Variants in MAK16 observed in about 807,000 individuals in gnomAD.
MAK16 encodes MAK16 homolog, also known as protein MAK16 homolog.
Under a neutral mutation model 49.9 loss-of-function variants are expected in MAK16, and 12 were observed. The observed-to-expected ratio is 0.24, with a 90% CI of 0.15 to 0.39. MAK16 has a LOEUF of 0.39. MAK16 is among the 10% of genes least tolerant of loss of function. MAK16 has a pLI of 1.00. For synonymous variants in MAK16, 115 were observed against 126.4 expected, an observed-to-expected ratio of 0.91 and a Z score of 0.60; for missense variants, 292 against 363.7, an observed-to-expected ratio of 0.80 and a Z score of 1.60.
chr8:33,494,433 C>T (rs1808824485), intron 6 of MAK16, among the ~76,000 whole-genome samples: 1 of 152,202 alleles, frequency 6.6e-6, no homozygotes, highest in African/African-American at 2.4e-5. Context: ...TTTATAACTA[C>T]TCTCTATCTT....
At position 33,499,668 on chromosome 8, in the gene MAK16, AT is replaced by A; in HGVS notation, c.*1048del. On this transcript the variant is annotated 3_prime_UTR_variant, in exon 10 of 10. Transcript: ENST00000360128. ...ATCTCTACATATTTTTAGGATATGA[AT>A]TTTTTTTTCCTGCTGGGTAGATTGT... 14 of 179,060 alleles carry A rather than the reference AT, an allele frequency of 7.8e-5. No individual in the cohort carries two copies. Among genetic ancestry groups the A allele is most frequent in the East Asian group, 3.2e-4 (2 of 6,298 alleles). 11.1% of individuals were successfully genotyped at this position (179,060 alleles called of 1,614,324 possible). A position where few individuals can be genotyped will look rare whatever the true frequency, so the allele number is the denominator to read the frequency against.
Position 33,492,621 on chromosome 8 carries a change from A to T in MAK16, c.447+2282A>T, listed in dbSNP as rs1159105775. On this transcript the variant is annotated intron_variant, in intron 6 of 9. Coordinates refer to ENST00000360128, the MANE Select transcript of MAK16 (RefSeq NM_032509.4). ...TTTCATTCTTCTGCATATGGAGATC[A>T]AGTTTTTCCAGCACCATTTATTGAA... 2.0e-5 allele frequency among the ~76,000 whole-genome samples: 3 copies of T among 152,156 alleles called. No homozygotes were observed. In the South Asian group the frequency reaches 6.2e-4, roughly 32 times the overall value.
At chr8:33,491,016 A>G (rs6468170) in intron 6 of MAK16, among the ~76,000 whole-genome samples, 11,068 of 152,240 alleles carry the variant, frequency 0.073, 805 homozygotes, top group African/African-American at 0.19. Flanking sequence ...GATCCCACAA[A>G]TAAGTGAAAA....
chr8:33,487,398 T>C (rs114059460), intron 1 of MAK16, among the ~76,000 whole-genome samples: 1,767 of 151,482 alleles, frequency 0.012, 40 homozygotes, highest in African/African-American at 0.04. Context: ...AATTATGGTA[T>C]GTATATCTAA....
At chr8:33,488,483 C>T (rs772627625) in intron 2 of MAK16, 37 bp from the exon 3 acceptor site, 1 of 1,612,634 alleles carries the variant, frequency 6.2e-7, no homozygotes, top group South Asian at 1.1e-5. Flanking sequence ...CTTTGGCAAC[C>T]CATTTTATAA....
Position 33,498,781 on chromosome 8 carries a change from G to C in MAK16, c.*152G>C. The C allele has an allele frequency of 1.4e-6, 1 of 702,182 alleles. No individual in the cohort carries two copies. The highest frequency in any genetic ancestry group is 2.4e-6 in the Non-Finnish European group (1 of 425,512). The allele number at this position is 702,182 out of a possible 1,614,324, so 43.5% of individuals were successfully genotyped here. A position where few individuals can be genotyped will look rare whatever the true frequency, so the allele number is the denominator to read the frequency against. On this transcript the variant is annotated 3_prime_UTR_variant, in exon 10 of 10. Transcript: ENST00000360128. The stretch of plus-strand genomic sequence containing the variant: ...TTTATTATTTATGCCACGTCAGTGG[G>C]GCAAGAAATCTGGAGTGAGTGAAGA...
Position 33,499,495 on chromosome 8 carries a change from A to C in MAK16, c.*866A>C. 2.1e-6 allele frequency: 1 copy of C among 465,266 alleles called. No individual in the cohort carries two copies. Among genetic ancestry groups the C allele is most frequent in the Non-Finnish European group, 3.9e-6 (1 of 259,678 alleles). The allele number at this position is 465,266 out of a possible 1,614,324, so 28.8% of individuals were successfully genotyped here. ...AAGGTGCTACTTTAAAAACTGTGTT[A>C]ATGTACTTGCAAATCTCCTGCTGGC... On this transcript the variant is annotated 3_prime_UTR_variant, in exon 10 of 10. Coordinates refer to ENST00000360128, the MANE Select transcript of MAK16 (RefSeq NM_032509.4).
chr8:33,492,326 A>G (rs1808791489), intron 6 of MAK16, among the ~76,000 whole-genome samples: 1 of 152,120 alleles, frequency 6.6e-6, no homozygotes, highest in African/African-American at 2.4e-5. Flanking sequence ...TCTGGTTATT[A>G]ATCCCTTGTC....
chr8:33,488,006 G>A (rs1399487155), intron 1 of MAK16, among the ~76,000 whole-genome samples: 2 of 152,060 alleles, frequency 1.3e-5, no homozygotes, highest in African/African-American at 2.4e-5. Flanking sequence ...TCGGCTCACC[G>A]CAACCTCCCT....
intron 6 of MAK16, among the ~76,000 whole-genome samples, chr8:33,492,656 T>C (rs1349081430): frequency 6.6e-6 from 1 of 152,186 alleles, no homozygotes; most frequent in Non-Finnish European, 1.5e-5. Flanking sequence ...AGAGACTGTC[T>C]TTTCCCTAGT....
intron 6 of MAK16, among the ~76,000 whole-genome samples, chr8:33,494,264 G>A (rs976016342): frequency 1.2e-4 from 19 of 152,040 alleles, no homozygotes; most frequent in East Asian, 5.8e-4. Context: ...TAGTAGAGAC[G>A]GGGTTTCACG....
Position 33,488,336 on chromosome 8 carries a change from T to TG in MAK16, c.16-38dup. On this transcript the variant is annotated intron_variant, in intron 1 of 9. Coordinates refer to ENST00000360128, the MANE Select transcript of MAK16 (RefSeq NM_032509.4). The stretch of plus-strand genomic sequence containing the variant: ...CTTCTTGAATTAATATAGTATCTCT[T>TG]GGGGCAGAGGATTTGAAATGGGCTT... The TG allele has an allele frequency of 3.1e-6, 5 of 1,598,216 alleles. No individual in the cohort carries two copies. In the Middle Eastern group the frequency reaches 5.2e-4, roughly 166 times the overall value.
At position 33,498,636 on chromosome 8, in the gene MAK16, T is replaced by G; in HGVS notation, c.*7T>G. The G allele has an allele frequency of 6.2e-7, 1 of 1,612,196 alleles. No individual in the cohort carries two copies. The highest frequency in any genetic ancestry group is 8.5e-7 in the Non-Finnish European group (1 of 1,179,390). The stretch of plus-strand genomic sequence containing the variant: ...CAAAGCCAAAACCACGTGATTTCCC[T>G]TTCAGCATTTATACCCAGGACTGAA... On this transcript the variant is annotated 3_prime_UTR_variant, in exon 10 of 10. Transcript: ENST00000360128.
intron 6 of MAK16, 126 bp from the exon 7 acceptor site, chr8:33,495,416 G>T (rs1808841329): frequency 1.3e-6 from 1 of 755,584 alleles, no homozygotes; most frequent in South Asian, 1.7e-5. Context: ...GCAAAAGCCA[G>T]TATTAGCAAG....
Position 33,489,176 on chromosome 8 carries a change from CT to C in MAK16, c.392+42del. The C allele has an allele frequency of 1.9e-6, 3 of 1,561,204 alleles. No homozygotes were observed. Among genetic ancestry groups the C allele is most frequent in the Non-Finnish European group, 2.6e-6 (3 of 1,145,774 alleles). ...GATCATTCATTATTTTTAAATCTCT[CT>C]TTTTATGGAGCTTGTTTTGAAGTTG... On this transcript the variant is annotated intron_variant, in intron 5 of 9. Transcript: ENST00000360128. The surrounding 1 kb of genome is among the most constrained non-coding windows in gnomAD (Gnocchi z 4.2).
chr8:33,490,205 C>A, intron 5 of MAK16, 80 bp from the exon 6 acceptor site: 1 of 1,218,054 alleles, frequency 8.2e-7, no homozygotes, highest in Non-Finnish European at 1.2e-6. Flanking sequence ...GTCACCAATT[C>A]CAATCCTTTT....
At position 33,500,055 on chromosome 8, in the gene MAK16, CATA is replaced by C; in HGVS notation, c.*1429_*1431del. ...AACTTAAATTTTACAAACTTTTGAT[CATA>C]ATGCTTTTGCCCATACTGTCTCGTC... On this transcript the variant is annotated 3_prime_UTR_variant, in exon 10 of 10. Transcript: ENST00000360128. 1 of 282,534 alleles carries C rather than the reference CATA, an allele frequency of 3.5e-6. No homozygotes were observed. Among genetic ancestry groups the C allele is most frequent in the Non-Finnish European group, 6.7e-6 (1 of 150,108 alleles). The allele number at this position is 282,534 out of a possible 1,614,324, so 17.5% of individuals were successfully genotyped here. A position where few individuals can be genotyped will look rare whatever the true frequency, so the allele number is the denominator to read the frequency against.
Position 33,496,623 on chromosome 8 carries a change from A to G in MAK16, c.523-2A>G. ...AAGCCAATCTGTGTTTATGTTCTTC[A>G]GTATGGCGACATCTACAACTTCCCC... On this transcript the variant is annotated splice_acceptor_variant, in intron 7 of 9. Transcript: ENST00000360128. LOFTEE classifies it high-confidence loss of function. 6.2e-7 allele frequency: 1 copy of G among 1,609,494 alleles called. No homozygotes were observed. Among genetic ancestry groups the G allele is most frequent in the Non-Finnish European group, 8.5e-7 (1 of 1,176,826 alleles).
intron 6 of MAK16, among the ~76,000 whole-genome samples, chr8:33,492,714 G>A (rs1808797084): frequency 6.6e-6 from 1 of 152,052 alleles, no homozygotes; most frequent in Non-Finnish European, 1.5e-5. Context: ...GTACGTGTGT[G>A]GAATTGTTTC....
Sources: gnomAD v4.1 joint callset for allele counts (sites outside exome capture counted in the v4.1 genomes callset) on GRCh38, gnomAD v4.1.1 for gene constraint, Gnocchi (gnomAD v3.1) non-coding constraint, MANE v1.5 for transcripts, NCBI Gene and HGNC (gene_info 2026-07-23, HGNC 2026-07-21) for gene names.